HHAT: variants seen among roughly 807,000 people sequenced by gnomAD.
The protein encoded by HHAT is protein-cysteine N-palmitoyltransferase HHAT.
HHAT carries 47 observed loss-of-function variants against 70.8 expected under a neutral mutation model. The ratio of observed to expected loss-of-function variants is 0.66; its 90% CI spans 0.53 to 0.85. HHAT has a LOEUF of 0.85. Ranked by LOEUF, HHAT falls within the 40% of genes least tolerant of loss-of-function variation. The probability of loss-of-function intolerance (pLI) is 0.00; values close to 1 mark genes in which losing one functional copy is unlikely to be tolerated. For missense variants in HHAT, 609 were observed against 604.8 expected, an observed-to-expected ratio of 1.01 and a Z score of -0.07; for synonymous variants, 228 against 247.6, an observed-to-expected ratio of 0.92 and a Z score of 0.74.
intron 9 of HHAT, among the ~76,000 whole-genome samples, chr1:210,551,668 C>G (rs2095528973): frequency 6.6e-6 from 1 of 152,164 alleles, no homozygotes; most frequent in East Asian, 1.9e-4. Flanking sequence ...GTCATAAAAC[C>G]ATTTTAAGCT....
At position 210,335,426 on chromosome 1, in the gene HHAT, A is replaced by G. The variant is rs546666859; in HGVS notation, c.-44+6322A>G. 3.9e-5 allele frequency among the ~76,000 whole-genome samples: 6 copies of G among 152,332 alleles called. No homozygotes were observed. In the South Asian group the frequency reaches 1.0e-3, roughly 26 times the overall value. On this transcript the variant is annotated intron_variant, in intron 1 of 11. Transcript: ENST00000261458. ...AATCTATAGATTCGGGCCAATCCCA[A>G]TCAAAATCCCGGCAAATTTTTTCTT...
intron 2 of HHAT, among the ~76,000 whole-genome samples, chr1:210,360,467 C>T (rs985829876): frequency 3.3e-5 from 5 of 152,078 alleles, no homozygotes; most frequent in South Asian, 2.1e-4. Flanking sequence ...CCTGCCATCA[C>T]GCCCAGCTAA....
chr1:210,623,319 C>T (rs531098337), intron 10 of HHAT, among the ~76,000 whole-genome samples: 53 of 152,296 alleles, frequency 3.5e-4, no homozygotes, highest in South Asian at 1.7e-3. Context: ...AGTGATCCTC[C>T]CACCTTGGCC....
At chr1:210,450,295 G>GC (rs534401903) in intron 7 of HHAT, among the ~76,000 whole-genome samples, 46 of 24,882 alleles carry the variant, frequency 1.8e-3, no homozygotes, top group South Asian at 5.7e-3. Context: ...CGTCTCAGGT[G>GC]GGGGGGGTGG....
chr1:210,579,127 A>G (rs1439713112), intron 9 of HHAT, among the ~76,000 whole-genome samples: 1 of 152,166 alleles, frequency 6.6e-6, no homozygotes, highest in Non-Finnish European at 1.5e-5. Context: ...GAGGGGAATG[A>G]CAGACACGGG....
At chr1:210,429,003 G>A (rs769116145) in intron 7 of HHAT, among the ~76,000 whole-genome samples, 3 of 151,690 alleles carry the variant, frequency 2.0e-5, no homozygotes, top group Non-Finnish European at 2.9e-5. Flanking sequence ...CACCCACCTC[G>A]CTCCGGCAAA....
At chr1:210,663,173 C>G (rs193059286) in intron 11 of HHAT, among the ~76,000 whole-genome samples, 3 of 152,184 alleles carry the variant, frequency 2.0e-5, no homozygotes, top group Non-Finnish European at 4.4e-5. Context: ...GCGTGCTCAT[C>G]TATGCTTTCT....
chr1:210,418,021 A>G (rs1413703278), intron 6 of HHAT, 133 bp from the exon 7 acceptor site: 8 of 827,568 alleles, frequency 9.7e-6, no homozygotes, highest in Middle Eastern at 4.6e-4. Flanking sequence ...GAGTGTTCCC[A>G]AGACAAACCA....
At chr1:210,524,203 A>C (rs989346623) in intron 9 of HHAT, among the ~76,000 whole-genome samples, 4 of 152,228 alleles carry the variant, frequency 2.6e-5, no homozygotes, top group Non-Finnish European at 5.9e-5. Context: ...TGTATGGTGT[A>C]CTTAAAAACC....
chr1:210,650,080 G>C (rs984502869), intron 11 of HHAT, among the ~76,000 whole-genome samples: 5 of 152,222 alleles, frequency 3.3e-5, no homozygotes, highest in Non-Finnish European at 1.5e-5. Context: ...TTGCCTATAT[G>C]GCATGATGCT....
intron 9 of HHAT, among the ~76,000 whole-genome samples, chr1:210,517,340 T>C (rs1027073516): frequency 6.6e-6 from 1 of 152,200 alleles, no homozygotes; most frequent in Non-Finnish European, 1.5e-5. Context: ...TTTCCCAGAC[T>C]GGTCTTGAAC....
At chr1:210,450,301 G>GT (rs796924192) in intron 7 of HHAT, among the ~76,000 whole-genome samples, 5 of 149,868 alleles carry the variant, frequency 3.3e-5, no homozygotes, top group African/African-American at 1.2e-4. Flanking sequence ...AGGTGGGGGG[G>GT]GTGGGAAACA....
intron 11 of HHAT, among the ~76,000 whole-genome samples, chr1:210,665,418 A>T (rs998788173): frequency 6.6e-6 from 1 of 152,006 alleles, no homozygotes; most frequent in African/African-American, 2.4e-5. Context: ...GGGGGACATT[A>T]CTCTATGGGA....
At chr1:210,561,479 G>T (rs1401480023) in intron 9 of HHAT, among the ~76,000 whole-genome samples, 2 of 152,058 alleles carry the variant, frequency 1.3e-5, no homozygotes, top group Admixed American at 6.5e-5. Context: ...GGAAAATGGG[G>T]GTTTTCTACC....
chr1:210,523,130 G>A (rs1226920661), intron 9 of HHAT, among the ~76,000 whole-genome samples: 1 of 152,038 alleles, frequency 6.6e-6, no homozygotes, highest in Non-Finnish European at 1.5e-5. Context: ...CAGCCCTGAT[G>A]CTTCCCCTCC....
rs142876877 is a variant in HHAT, at chr1:210,333,439, A to G, written c.-44+4335A>G. 3.3e-3 allele frequency among the ~76,000 whole-genome samples: 481 copies of G among 146,204 alleles called. 1 individual carries two copies. Among genetic ancestry groups the G allele is most frequent in the African/African-American group, 0.011 (467 of 41,302 alleles). ...ACCCTGTCTCTTAAAAAATAATAATAAAATGAAAAAACTAAAAAAGCTCCA... is the reference window on the plus strand; with the variant it reads ...ACCCTGTCTCTTAAAAAATAATAATGAAATGAAAAAACTAAAAAAGCTCCA... On this transcript the variant is annotated intron_variant, in intron 1 of 11. Coordinates refer to ENST00000261458, the MANE Select transcript of HHAT (RefSeq NM_018194.6).
At chr1:210,484,841 G>A (rs957932001) in intron 8 of HHAT, among the ~76,000 whole-genome samples, 1 of 152,136 alleles carries the variant, frequency 6.6e-6, no homozygotes, top group Non-Finnish European at 1.5e-5. Context: ...GCCAATGGGA[G>A]CCCCATCAAC....
chr1:210,457,585 G>A (rs58686639), intron 7 of HHAT, among the ~76,000 whole-genome samples: 205 of 152,244 alleles, frequency 1.3e-3, no homozygotes, highest in African/African-American at 4.6e-3. Context: ...AGATTCGGAA[G>A]GCAGGGGTCA....
intron 8 of HHAT, among the ~76,000 whole-genome samples, chr1:210,485,442 G>T (rs1302374355): frequency 2.0e-5 from 3 of 152,044 alleles, no homozygotes; most frequent in African/African-American, 7.2e-5. Flanking sequence ...TCTCTTCCTT[G>T]GGTGCTTCCA....
Sources: gnomAD v4.1 joint callset for allele counts (sites outside exome capture counted in the v4.1 genomes callset) on GRCh38, gnomAD v4.1.1 for gene constraint, MANE v1.5 for transcripts, NCBI Gene and HGNC (gene_info 2026-07-23, HGNC 2026-07-21) for gene names.